TUBGCP6: variants seen among roughly 807,000 people sequenced by gnomAD.
TUBGCP6 encodes gamma-tubulin complex component 6.
TUBGCP6 carries 161 observed loss-of-function variants against 175.8 expected under a neutral mutation model. The observed-to-expected ratio is 0.92, with a 90% confidence interval of 0.81 to 1.04. The LOEUF is 1.04. Among genes scored for constraint, TUBGCP6 ranks in the 50% least tolerant of loss-of-function variants. The probability of loss-of-function intolerance (pLI) is 0.00; values close to 1 mark genes in which losing one functional copy is unlikely to be tolerated. For synonymous variants in TUBGCP6, 1,173 were observed against 1,030.5 expected (o/e 1.14, Z -2.65); for missense variants, 2,572 against 2,433.0 (o/e 1.06, Z -1.20).
Position 50,220,316 on chromosome 22 carries a change from G to A in TUBGCP6, c.4043C>T (p.Ser1348Leu), listed in dbSNP as rs2064495444. ...EGSISVGENV[S>L]DVAPTQPWWP... ...CCATGGTTGGGTGGGAGCCACGTCT[G>A]ACACGTTCTCCCCCACGCTGATGCT... The change falls in exon 16 of 25, where the codon TCA (serine) becomes TTA (leucine). Residue 1348 changes from serine (S) to leucine (L), a missense_variant. Coordinates refer to ENST00000248846, the MANE Select transcript of TUBGCP6 (RefSeq NM_020461.4). 6.3e-7 allele frequency: 1 copy of A among 1,576,930 alleles called. No homozygotes were observed. Among genetic ancestry groups the A allele is most frequent in the Non-Finnish European group, 8.6e-7 (1 of 1,157,268 alleles).
chr22:50,224,094 G>A (rs771365189), intron 13 of TUBGCP6, 47 bp downstream of exon 13: 4 of 1,557,772 alleles, frequency 2.6e-6, no homozygotes, highest in African/African-American at 2.7e-5. Flanking sequence ...GAGCTATGGG[G>A]CCCCTGCCGC....
chr22:50,222,374 TA>T, intron 14 of TUBGCP6, 79 bp downstream of exon 14: 4 of 1,578,886 alleles, frequency 2.5e-6, no homozygotes, highest in Non-Finnish European at 3.4e-6. Context: ...GAAGAGCATG[TA>T]GGTTTGTGTG....
chr22:50,238,858 A>G (rs1393568049), intron 2 of TUBGCP6, among the ~76,000 whole-genome samples: 19 of 152,134 alleles, frequency 1.2e-4, no homozygotes, highest in Non-Finnish European at 1.5e-5. Flanking sequence ...ATTTGCTTTG[A>G]CTGATGCACC....
rs760250092 is a variant in TUBGCP6, at chr22:50,220,844, C to T, written c.3515G>A (p.Gly1172Glu). The change falls in exon 16 of 25, where the codon GGG becomes GAG. Residue 1172 changes from glycine (G) to glutamate (E), a missense_variant. Coordinates refer to ENST00000248846, the MANE Select transcript of TUBGCP6 (RefSeq NM_020461.4). ...GGGAGCCATGTCTGACACAGACTCC[C>T]CCAAGCTGATGCTGGCATCGGACAC... ...GHVSDASISL[G>E]ESVSDMAPAR... 2.5e-6 allele frequency: 4 copies of T among 1,604,020 alleles called. No individual in the cohort carries two copies. The highest frequency in any genetic ancestry group is 1.7e-5 in the Admixed American group (1 of 58,392).
Position 50,221,585 on chromosome 22 carries a change from A to G in TUBGCP6, c.2774T>C (p.Ile925Thr). ...VPLLEVALQT[I>T]NLDLPPSAPG... ...AGCTGAGGGGGGCAGGTCCAAGTTA[A>G]TGGTCTGCAGCGCCACCTCCAGGAG... The change falls in exon 16 of 25, where the codon ATT becomes ACT. Residue 925 changes from isoleucine (I) to threonine (T), a missense_variant. Transcript: ENST00000248846. 1.3e-6 allele frequency: 2 copies of G among 1,578,318 alleles called. No individual in the cohort carries two copies. The highest frequency in any genetic ancestry group is 1.7e-6 in the Non-Finnish European group (2 of 1,160,034).
At chr22:50,226,254 C>A in intron 8 of TUBGCP6, 33 bp downstream of exon 8, 5 of 1,613,984 alleles carry the variant, frequency 3.1e-6, no homozygotes, top group Non-Finnish European at 4.2e-6. Flanking sequence ...CCCACAGGCA[C>A]GGACCCCTGC....
At position 50,240,086 on chromosome 22, in the gene TUBGCP6, C is replaced by G. The variant is rs796579762; in HGVS notation, c.905+118G>C. The G allele has an allele frequency of 5.1e-5, 71 of 1,399,078 alleles. No homozygotes were observed. The African/African-American group carries it at 8.7e-4, about 17-fold the overall frequency. 86.7% of individuals were successfully genotyped at this position (1,399,078 alleles called of 1,614,324 possible). On this transcript the variant is annotated intron_variant, in intron 2 of 24. Coordinates refer to ENST00000248846, the MANE Select transcript of TUBGCP6 (RefSeq NM_020461.4). Reference sequence around the variant, plus strand: ...CAATTTTGGACACTAGCTTAGGTTACTAACCCATCACAACTGCCTGGACCC... The same window carrying G: ...CAATTTTGGACACTAGCTTAGGTTAGTAACCCATCACAACTGCCTGGACCC...
chr22:50,218,551 GGAA>G lies in TUBGCP6; in HGVS notation c.4888_4890del (p.Phe1630del). The G allele has an allele frequency of 6.2e-7, 1 of 1,613,804 alleles. No homozygotes were observed. The highest frequency in any genetic ancestry group is 1.3e-5 in the African/African-American group (1 of 75,048). On this transcript the variant is annotated inframe_deletion, in exon 22 of 25. Transcript: ENST00000248846. ...CACATCATGAGCTTCAGCTGCAGCA[GGAA>G]GGAGAAGACGCCGCTGTACTTGCTC...
chr22:50,224,711 A>C, intron 10 of TUBGCP6, 119 bp from the exon 11 acceptor site: 1 of 950,804 alleles, frequency 1.1e-6, no homozygotes, highest in Non-Finnish European at 1.6e-6. Context: ...GTTCAAGACC[A>C]GCCTGGACAA....
At chr22:50,235,865 G>A (rs1023317544) in intron 2 of TUBGCP6, among the ~76,000 whole-genome samples, 18 of 151,754 alleles carry the variant, frequency 1.2e-4, no homozygotes, top group African/African-American at 2.9e-4. Flanking sequence ...GCTTGAACCC[G>A]GGAGGTGGAG....
chr22:50,230,358 G>C (rs5771251), intron 3 of TUBGCP6, among the ~76,000 whole-genome samples: 1 of 152,232 alleles, frequency 6.6e-6, no homozygotes, highest in African/African-American at 2.4e-5. Flanking sequence ...TGTAATCCCA[G>C]CACTTCAGGA....
chr22:50,227,773 G>T, intron 5 of TUBGCP6, 134 bp downstream of exon 5: 3 of 1,297,470 alleles, frequency 2.3e-6, no homozygotes, highest in Non-Finnish European at 3.1e-6. Flanking sequence ...GCCGGCCAAG[G>T]GCCATCCGGT....
chr22:50,236,416 T>C (rs1261796086), intron 2 of TUBGCP6, among the ~76,000 whole-genome samples: 2 of 152,194 alleles, frequency 1.3e-5, no homozygotes, highest in East Asian at 3.8e-4. Flanking sequence ...ATTACAGGCG[T>C]GAGCCACTGC....
chr22:50,218,212 C>T lies in TUBGCP6; in HGVS notation c.5145G>A (p.Glu1715=), dbSNP rs1417382806. 4 of 1,612,210 alleles carry T rather than the reference C, an allele frequency of 2.5e-6. No individual in the cohort carries two copies. Among genetic ancestry groups the T allele is most frequent in the Non-Finnish European group, 1.7e-6 (2 of 1,179,852 alleles). ...ACCTGAAGACGGCCTTGTGCAGGTA[C>T]TCTGCGTGCGCACGCTGGATCTCCT... ...DLEEIQRAHA[E]YLHKAVFRGL... The change falls in exon 23 of 25, where the codon GAG becomes GAA. Residue 1715 remains glutamate (E), a synonymous_variant. Coordinates refer to ENST00000248846, the MANE Select transcript of TUBGCP6 (RefSeq NM_020461.4).
Position 50,244,013 on chromosome 22 carries a change from A to G in TUBGCP6, c.447T>C (p.Asp149=). 2 of 1,614,090 alleles carry G rather than the reference A, an allele frequency of 1.2e-6. No individual in the cohort carries two copies. Among genetic ancestry groups the G allele is most frequent in the Non-Finnish European group, 8.5e-7 (1 of 1,180,038 alleles). Reference sequence around the variant, plus strand: ...TCTCAAACACACTCAGGTCGTCGCAATCATAGCCGCTGTACGGAACGTTTC... The same window carrying G: ...TCTCAAACACACTCAGGTCGTCGCAGTCATAGCCGCTGTACGGAACGTTTC... ...VGRNVPYSGY[D]CDDLSVFEMD... Residue 149 remains aspartate (D), a synonymous_variant, in exon 1 of 25, where the codon GAT becomes GAC. Transcript: ENST00000248846.
chr22:50,224,103 G>T, intron 13 of TUBGCP6, 38 bp downstream of exon 13: 3 of 1,588,756 alleles, frequency 1.9e-6, no homozygotes, highest in Non-Finnish European at 2.6e-6. Context: ...GGCCCCTGCC[G>T]CACTGCACCC....
chr22:50,224,679 G>T, intron 10 of TUBGCP6, 87 bp from the exon 11 acceptor site: 1 of 1,324,452 alleles, frequency 7.6e-7, no homozygotes, highest in Non-Finnish European at 1.1e-6. Context: ...GGCCGAGGTG[G>T]GTAGATCACA....
At chr22:50,218,682 G>A (rs764757813) in intron 21 of TUBGCP6, 21 bp downstream of exon 21, 106 of 1,613,146 alleles carry the variant, frequency 6.6e-5, no homozygotes, top group Non-Finnish European at 7.7e-5. Context: ...CCCATCCCCC[G>A]CGGCCAGGGC....
In TUBGCP6 at chr22:50,218,358, G is replaced by A. The variant is rs760200269; in HGVS notation, c.4999C>T (p.Gln1667Ter). The A allele has an allele frequency of 6.2e-7, 1 of 1,613,128 alleles. No homozygotes were observed. Among genetic ancestry groups the A allele is most frequent in the South Asian group, 1.1e-5 (1 of 91,088 alleles). ...MAGSVQFRQLQLFKHEMQHFV... is the reference protein window; with the variant it reads ...MAGSVQFRQL ...TGCTGCATCTCGTGCTTGAACAGCT[G>A]CAGCTGACGGAACTGCACAGAGCCG... The change falls in exon 23 of 25, where the codon CAG becomes TAG. Residue 1667 changes from glutamine (Q) to a stop codon, truncating the protein, a stop_gained. Transcript: ENST00000248846. LOFTEE classifies it high-confidence loss of function.
Sources: gnomAD v4.1 joint callset for allele counts (sites outside exome capture counted in the v4.1 genomes callset) on GRCh38, gnomAD v4.1.1 for gene constraint, MANE v1.5 for transcripts, NCBI Gene and HGNC (gene_info 2026-07-23, HGNC 2026-07-21) for gene names.